Variants in DOCK1 observed in about 807,000 individuals in gnomAD.
DOCK1 encodes dedicator of cytokinesis protein 1.
In DOCK1, 138 loss-of-function variants were observed where a neutral mutation model predicts 262.7. The ratio of observed to expected loss-of-function variants is 0.53; its 90% CI spans 0.46 to 0.61. DOCK1 has a LOEUF of 0.61. DOCK1 is among the 20% of genes least tolerant of loss of function. DOCK1 has a pLI of 0.00. For missense variants in DOCK1, 1,908 were observed against 2,370.7 expected (o/e 0.80, Z 4.05); for synonymous variants, 866 against 867.4 (o/e 1.00, Z 0.03).
At chr10:127,098,248 A>C (rs1239666914) in intron 23 of DOCK1, among the ~76,000 whole-genome samples, 1 of 152,210 alleles carries the variant, frequency 6.6e-6, no homozygotes, top group African/African-American at 2.4e-5. Flanking sequence ...AAAAATCTTC[A>C]ATGTCCTCAA....
intron 1 of DOCK1, among the ~76,000 whole-genome samples, chr10:126,937,046 C>T (rs1257232122): frequency 1.3e-5 from 2 of 152,058 alleles, no homozygotes; most frequent in African/African-American, 4.8e-5. Flanking sequence ...TGGCTTATTT[C>T]ACTTAGTTTA....
At chr10:127,395,764 G>A (rs2066788395) in intron 38 of DOCK1, among the ~76,000 whole-genome samples, 1 of 150,516 alleles carries the variant, frequency 6.6e-6, no homozygotes, top group South Asian at 2.1e-4. Context: ...GTGATGTCAT[G>A]AGACTTCAAG....
At chr10:127,209,838 A>G (rs1437180308) in intron 27 of DOCK1, among the ~76,000 whole-genome samples, 3 of 152,134 alleles carry the variant, frequency 2.0e-5, no homozygotes, top group Non-Finnish European at 2.9e-5. Context: ...GCATGTGCTC[A>G]CCTCTTCCTG....
intron 29 of DOCK1, among the ~76,000 whole-genome samples, chr10:127,291,586 G>A (rs1210101204): frequency 1.3e-5 from 2 of 152,006 alleles, no homozygotes; most frequent in Non-Finnish European, 2.9e-5. Context: ...GGTCAGTTCC[G>A]TGTGAGAACC....
At chr10:127,280,687 T>A (rs535349093) in intron 29 of DOCK1, among the ~76,000 whole-genome samples, 1 of 152,340 alleles carries the variant, frequency 6.6e-6, no homozygotes, top group South Asian at 2.1e-4. Context: ...GCAGGTAAGT[T>A]AAGGGCTTAC....
chr10:127,297,091 G>A (rs1329915292), intron 29 of DOCK1, among the ~76,000 whole-genome samples: 1 of 152,184 alleles, frequency 6.6e-6, no homozygotes, highest in Non-Finnish European at 1.5e-5. Flanking sequence ...GGGTGGGAGT[G>A]AGGGATGGTC....
chr10:127,258,301 C>T (rs1438606930), intron 29 of DOCK1, among the ~76,000 whole-genome samples: 4 of 152,172 alleles, frequency 2.6e-5, no homozygotes, highest in Non-Finnish European at 1.5e-5. Context: ...CTCCCCTCCC[C>T]ACTCCACCAT....
At chr10:127,155,019 C>G (rs1471462498) in intron 27 of DOCK1, among the ~76,000 whole-genome samples, 1 of 152,144 alleles carries the variant, frequency 6.6e-6, no homozygotes, top group African/African-American at 2.4e-5. Context: ...TGTCCAGGCA[C>G]AGACATGATA....
chr10:127,152,021 ATAT>A (rs1000729000), intron 27 of DOCK1, among the ~76,000 whole-genome samples: 21 of 109,756 alleles, frequency 1.9e-4, no homozygotes, highest in Admixed American at 8.2e-4. Context: ...ATATATATAT[ATAT>A]TTTTTTTCGA....
chr10:127,123,346 A>G (rs1258335354), intron 25 of DOCK1, among the ~76,000 whole-genome samples: 1 of 152,152 alleles, frequency 6.6e-6, no homozygotes, highest in Non-Finnish European at 1.5e-5. Flanking sequence ...GGCTCTCCCC[A>G]TGTTGAGGTT....
chr10:127,320,963 GT>G (rs113401202), intron 29 of DOCK1, among the ~76,000 whole-genome samples: 3,472 of 152,046 alleles, frequency 0.023, 114 homozygotes, highest in East Asian at 0.092. Flanking sequence ...ACACAGAGTG[GT>G]CCCCTAGGTC....
chr10:127,120,682 G>A (rs560531713), intron 25 of DOCK1, among the ~76,000 whole-genome samples: 1 of 152,034 alleles, frequency 6.6e-6, no homozygotes, highest in Non-Finnish European at 1.5e-5. Flanking sequence ...CCAAACATTG[G>A]TTTCTAACAA....
At chr10:126,933,982 T>G (rs964490464) in intron 1 of DOCK1, among the ~76,000 whole-genome samples, 20 of 152,220 alleles carry the variant, frequency 1.3e-4, no homozygotes, top group African/African-American at 3.9e-4. Flanking sequence ...GCCCAGCTAA[T>G]TTTTGTAATT....
rs1445036820 is a variant in DOCK1, at chr10:127,446,604, A to G, written c.5414-790A>G. Among the ~76,000 whole-genome samples the G allele has an allele frequency of 6.6e-6, 1 of 152,112 alleles. No homozygotes were observed. Among genetic ancestry groups the G allele is most frequent in the Non-Finnish European group, 1.5e-5 (1 of 68,024 alleles). ...TTACAGTGTGGCCTTCCTAGCATGC[A>G]TTTTCCTAATAAAGGATTTTTCATC... On this transcript the variant is annotated intron_variant, in intron 50 of 51. Coordinates refer to ENST00000623213, the MANE Select transcript of DOCK1 (RefSeq NM_001290223.2). This position sits in a 1 kb window ranked among gnomAD's most constrained non-coding sequence, Gnocchi z 4.4.
At chr10:127,026,454 G>A in intron 16 of DOCK1, 30 bp downstream of exon 16, 1 of 1,557,678 alleles carries the variant, frequency 6.4e-7, no homozygotes, top group South Asian at 1.2e-5. Flanking sequence ...CTTCCCCCAA[G>A]TATTTTTAAG....
chr10:127,128,930 A>C (rs551268388), intron 27 of DOCK1, among the ~76,000 whole-genome samples: 1 of 152,226 alleles, frequency 6.6e-6, no homozygotes, highest in Non-Finnish European at 1.5e-5. Context: ...TCCTTTCCAA[A>C]AAATGACTTG....
chr10:127,275,694 C>A (rs1394854225), intron 29 of DOCK1, among the ~76,000 whole-genome samples: 1 of 151,958 alleles, frequency 6.6e-6, no homozygotes, highest in Non-Finnish European at 1.5e-5. Context: ...TGGAGAGGAG[C>A]AAGGTCAGGT....
intron 17 of DOCK1, 116 bp from the exon 18 acceptor site, chr10:127,032,021 A>G: frequency 7.8e-7 from 1 of 1,284,474 alleles, no homozygotes; most frequent in Non-Finnish European, 1.1e-6. Context: ...ATGTGTATTT[A>G]ATATGATACA....
chr10:127,240,677 A>G (rs921819342), intron 27 of DOCK1, among the ~76,000 whole-genome samples: 1 of 152,126 alleles, frequency 6.6e-6, no homozygotes, highest in Non-Finnish European at 1.5e-5. Context: ...TTCTTTCTAT[A>G]TTTTTAATTA....
Sources: allele counts gnomAD v4.1 joint callset (sites outside exome capture counted in the v4.1 genomes callset), GRCh38; gene constraint gnomAD v4.1.1; non-coding constraint Gnocchi (gnomAD v3.1); transcripts MANE v1.5; gene names NCBI Gene and HGNC (gene_info 2026-07-23, HGNC 2026-07-21).